Variants in RELN observed in about 807,000 individuals in gnomAD.
RELN encodes the protein reelin.
Under a neutral mutation model 427.6 loss-of-function variants are expected in RELN, and 108 were observed. The ratio of observed to expected loss-of-function variants is 0.25; its 90% confidence interval spans 0.22 to 0.30. RELN has a LOEUF of 0.30. RELN is among the 10% of genes least tolerant of loss of function. RELN has a pLI of 1.00. For missense variants in RELN, 3,715 were observed against 4,302.8 expected (o/e 0.86, Z 3.82); for synonymous variants, 1,524 against 1,513.4 (o/e 1.01, Z -0.16).
intron 49 of RELN, among the ~76,000 whole-genome samples, chr7:103,516,744 A>C (rs886126784): frequency 1.3e-5 from 2 of 152,106 alleles, no homozygotes; most frequent in African/African-American, 4.8e-5. Flanking sequence ...TGACAGTTTT[A>C]GTTCTTGTCT....
intron 1 of RELN, among the ~76,000 whole-genome samples, chr7:103,925,340 TAA>T (rs1411270679): frequency 6.6e-6 from 1 of 152,188 alleles, no homozygotes; most frequent in African/African-American, 2.4e-5. Context: ...CTTTATAATT[TAA>T]TTCTGAATTT....
intron 22 of RELN, among the ~76,000 whole-genome samples, 200 bp downstream of exon 22, chr7:103,610,495 A>G (rs1180394806): frequency 6.6e-6 from 1 of 152,172 alleles, no homozygotes; most frequent in Non-Finnish European, 1.5e-5. Flanking sequence ...CATATTTGTT[A>G]TTAGCTCTCT....
chr7:103,929,974 C>T (rs1354826416), intron 1 of RELN, among the ~76,000 whole-genome samples: 1 of 152,232 alleles, frequency 6.6e-6, no homozygotes, highest in Non-Finnish European at 1.5e-5. Context: ...AAAGAAGGAA[C>T]ATGCAAATAA....
At position 103,753,240 on chromosome 7, in the gene RELN, G is replaced by C. The variant is rs760748183; in HGVS notation, c.545-26C>G. 4 of 1,613,570 alleles carry C rather than the reference G, an allele frequency of 2.5e-6. No homozygotes were observed. The Admixed American group carries it at 6.7e-5, about 27-fold the overall frequency. ...CTGAATCAAGAGAGGAAAGAAGAAA[G>C]ACAACTGATCAGGAATGAAAGCAAA... On this transcript the variant is annotated intron_variant, in intron 4 of 64. Coordinates refer to ENST00000428762, the MANE Select transcript of RELN (RefSeq NM_005045.4).
intron 1 of RELN, among the ~76,000 whole-genome samples, chr7:103,940,248 A>G (rs539264705): frequency 5.3e-5 from 8 of 152,326 alleles, no homozygotes; most frequent in Admixed American, 2.6e-4. Flanking sequence ...CTAGGGCTAC[A>G]TGACCTCTTT....
chr7:103,762,302 T>C lies in RELN; in HGVS notation c.545-9088A>G, dbSNP rs150511979. On this transcript the variant is annotated intron_variant, in intron 4 of 64. Coordinates refer to ENST00000428762, the MANE Select transcript of RELN (RefSeq NM_005045.4). ...GAACGACCCTGCCAGCCCTAGACCA[T>C]CTATCTTCAAACTGGTTTATGACTA... 1.2e-4 allele frequency among the ~76,000 whole-genome samples: 18 copies of C among 152,310 alleles called. No individual in the cohort carries two copies. The East Asian group carries it at 3.5e-3, about 29-fold the overall frequency.
chr7:103,491,856 TCACACACACACACA>T lies in RELN; in HGVS notation c.9443+83_9443+96del, dbSNP rs71110838. ...CTCTCTCTCTCTCTCTCTCTCTCTC[TCACACACACACACA>T]CACACACACACACACACACACACAC... On this transcript the variant is annotated intron_variant, in intron 58 of 64. Transcript: ENST00000428762. 1.4e-3 allele frequency: 404 copies of T among 288,496 alleles called. 2 individuals carry two copies. Among genetic ancestry groups the T allele is most frequent in the East Asian group, 3.0e-3 (34 of 11,506 alleles). 17.9% of individuals were successfully genotyped at this position (288,496 alleles called of 1,614,324 possible).
In RELN at chr7:103,667,056, G is replaced by A. The variant is rs144258631; in HGVS notation, c.1290-5529C>T. 7.4e-3 allele frequency among the ~76,000 whole-genome samples: 1,126 copies of A among 152,194 alleles called. 8 individuals carry two copies. Among genetic ancestry groups the A allele is most frequent in the Non-Finnish European group, 0.011 (744 of 68,010 alleles). ...AGGTTTTTAATTTCCCTTTGTTTTA[G>A]GTATCTGCTCATTTCCTCCCCTATC... On this transcript the variant is annotated intron_variant, in intron 11 of 64. Transcript: ENST00000428762.
rs1314193916 is a variant in RELN, at chr7:103,701,014, T to C, written c.806-8A>G. 6.6e-7 allele frequency: 1 copy of C among 1,522,440 alleles called. No individual in the cohort carries two copies. The allele number at this position is 1,522,440 out of a possible 1,614,324, so 94.3% of individuals were successfully genotyped here. A position where few individuals can be genotyped will look rare whatever the true frequency, so the allele number is the denominator to read the frequency against. ...AGCGACATGAACCTGACCCTGTAAA[T>C]AGCAATAACAATAAATTTCAAGGTT... is the stretch of plus-strand genomic sequence containing the variant. On this transcript the variant is annotated splice_polypyrimidine_tract_variant and splice_region_variant and intron_variant, in intron 8 of 64. Coordinates refer to ENST00000428762, the MANE Select transcript of RELN (RefSeq NM_005045.4).
rs1830898969 is a variant in RELN, at chr7:103,572,247, A to G, written c.4525T>C (p.Tyr1509His). The stretch of plus-strand genomic sequence containing the variant: ...GAAGTTTTGCTTCCAATTTGTATAT[A>G]AAATTGAACAAGTCTGGGGAATAAA... Reference protein sequence around the residue: ...DTRNIRLVQFYIQIGSKTSGI... With the variant: ...DTRNIRLVQFHIQIGSKTSGI... The change falls in exon 31 of 65, where the codon TAT becomes CAT. Residue 1509 changes from tyrosine (Y) to histidine (H), a missense_variant. This residue lies in a region of RELN where 2,208 missense variants were observed against 2,361.7 expected (regional missense o/e 0.93). Transcript: ENST00000428762. 1 of 1,568,640 alleles carries G rather than the reference A, an allele frequency of 6.4e-7. No homozygotes were observed.
At chr7:103,740,862 A>AG (rs1468136689) in intron 6 of RELN, among the ~76,000 whole-genome samples, 1 of 151,818 alleles carries the variant, frequency 6.6e-6, no homozygotes, top group Non-Finnish European at 1.5e-5. Flanking sequence ...TTAGAATCCC[A>AG]GGGGGAAAAT....
At chr7:103,535,961 T>C (rs1489393506) in intron 45 of RELN, among the ~76,000 whole-genome samples, 1 of 151,914 alleles carries the variant, frequency 6.6e-6, no homozygotes, top group Non-Finnish European at 1.5e-5. Flanking sequence ...TATTTAATGG[T>C]TAACATACAA....
chr7:103,488,585 A>T (rs964084623), intron 60 of RELN, among the ~76,000 whole-genome samples: 1 of 152,212 alleles, frequency 6.6e-6, no homozygotes, highest in Non-Finnish European at 1.5e-5. Flanking sequence ...TCAACCAAGA[A>T]ATCTAAATAG....
chr7:103,894,113 ATTTTC>A (rs1794908992), intron 2 of RELN, among the ~76,000 whole-genome samples: 1 of 152,122 alleles, frequency 6.6e-6, no homozygotes, highest in Admixed American at 6.6e-5. Context: ...TTCCTCATGC[ATTTTC>A]TTTTATTTCA....
rs144751365 is a variant in RELN, at chr7:103,952,518, A to AAC, written c.227-35335_227-35334dup. Among the ~76,000 whole-genome samples the AAC allele has an allele frequency of 9.6e-3, 1,428 of 148,332 alleles. 19 individuals carry two copies. Among genetic ancestry groups the AAC allele is most frequent in the African/African-American group, 0.035 (1,356 of 38,388 alleles). ...TTTATAAACCTTGCTTTAAACCTTA[A>AAC]ACACACACACACACATACATACATA... On this transcript the variant is annotated intron_variant, in intron 1 of 64. Transcript: ENST00000428762.
At chr7:103,660,432 T>C (rs1378667424) in intron 12 of RELN, among the ~76,000 whole-genome samples, 1 of 152,202 alleles carries the variant, frequency 6.6e-6, no homozygotes, top group Non-Finnish European at 1.5e-5. Context: ...ATCAAACACA[T>C]AATTATGGAA....
At chr7:103,701,172 T>C (rs909033647) in intron 8 of RELN, among the ~76,000 whole-genome samples, 166 bp from the exon 9 acceptor site, 4 of 152,132 alleles carry the variant, frequency 2.6e-5, no homozygotes, top group African/African-American at 9.6e-5. Context: ...TTCTGGTAAC[T>C]ACCATTTGAT....
rs1205602842 is a variant in RELN, at chr7:103,620,643, TC to T, written c.2703-8841del. Reference sequence around the variant, plus strand: ...TGTGCACCACTACACCCAGCTAATTTCTGTATTTTTAGTAGAGATGAGGTTC... The same window carrying T: ...TGTGCACCACTACACCCAGCTAATTTTGTATTTTTAGTAGAGATGAGGTTC... On this transcript the variant is annotated intron_variant, in intron 20 of 64. Coordinates refer to ENST00000428762, the MANE Select transcript of RELN (RefSeq NM_005045.4). The surrounding 1 kb of genome is among the most constrained non-coding windows in gnomAD (Gnocchi z 4.1). Among the ~76,000 whole-genome samples, 1 of 151,902 alleles carries T rather than the reference TC, an allele frequency of 6.6e-6. No homozygotes were observed. Among genetic ancestry groups the T allele is most frequent in the African/African-American group, 2.4e-5 (1 of 41,328 alleles).
intron 5 of RELN, among the ~76,000 whole-genome samples, chr7:103,749,981 G>GGT (rs1554411742): frequency 3.8e-4 from 57 of 151,170 alleles, no homozygotes; most frequent in Non-Finnish European, 5.5e-4. Context: ...AGATTTGATG[G>GGT]TTTTTTTTTA....
Sources: allele counts gnomAD v4.1 joint callset (sites outside exome capture counted in the v4.1 genomes callset), GRCh38; gene constraint gnomAD v4.1.1; regional missense constraint gnomAD v4.1.1; non-coding constraint Gnocchi (gnomAD v3.1); transcripts MANE v1.5; gene names NCBI Gene and HGNC (gene_info 2026-07-23, HGNC 2026-07-21).